The following PLXDC1 variants were observed in gnomAD, a reference collection of about 807,000 sequenced individuals.
PLXDC1 encodes the protein plexin domain-containing protein 1.
Under a neutral mutation model 61.3 loss-of-function variants are expected in PLXDC1, and 39 were observed. That is an observed-to-expected ratio of 0.64 (90% CI 0.49 to 0.83). The LOEUF (loss-of-function observed/expected upper bound fraction) is 0.83. Among genes scored for constraint, PLXDC1 ranks in the 40% least tolerant of loss-of-function variants. PLXDC1 has a pLI of 0.00. For missense variants in PLXDC1, 596 were observed against 666.5 expected, an observed-to-expected ratio of 0.89 and a Z score of 1.17; for synonymous variants, 212 against 254.5, an observed-to-expected ratio of 0.83 and a Z score of 1.59.
At chr17:39,095,361 C>A (rs1199270574) in intron 7 of PLXDC1, among the ~76,000 whole-genome samples, 1 of 7,354 alleles carries the variant, frequency 1.4e-4, no homozygotes, top group Non-Finnish European at 4.4e-4. Context: ...AGAATCCTTA[C>A]GCCCCGCCCC....
At chr17:39,079,940 C>A (rs976692441) in intron 9 of PLXDC1, 1 of 204,090 alleles carries the variant, frequency 4.9e-6, no homozygotes, top group Non-Finnish European at 1.0e-5. Context: ...GGCCAAGGGC[C>A]AAGGCTTGCC....
chr17:39,152,475 T>C (rs2045380606), upstream of PLXDC1: 2 of 1,125,598 alleles, frequency 1.8e-6, no homozygotes, highest in Non-Finnish European at 2.2e-6. Flanking sequence ...ATACCCGCAA[T>C]GTAGGATATT....
chr17:39,151,458 C>CCCGG lies in PLXDC1; in HGVS notation c.-25_-22dup. 1 of 1,250,220 alleles carries CCCGG rather than the reference C, an allele frequency of 8.0e-7. No individual in the cohort carries two copies. The highest frequency in any genetic ancestry group is 1.0e-6 in the Non-Finnish European group (1 of 996,804). The allele number at this position is 1,250,220 out of a possible 1,614,324, so 77.4% of individuals were successfully genotyped here. A position where few individuals can be genotyped will look rare whatever the true frequency, so the allele number is the denominator to read the frequency against. On this transcript the variant is annotated 5_prime_UTR_variant, in exon 1 of 14. Coordinates refer to ENST00000315392, the MANE Select transcript of PLXDC1 (RefSeq NM_020405.5). The surrounding 1 kb of genome is among the most constrained non-coding windows in gnomAD (Gnocchi z 5.2). ...CGCATGGTGGGTGCCCGGACCTGCCCCCGGCCTGCTTGCTGCCCCGGTCCT... is the reference window on the plus strand; with the variant it reads ...CGCATGGTGGGTGCCCGGACCTGCCCCCGGCCGGCCTGCTTGCTGCCCCGGTCCT...
intron 13 of PLXDC1, 99 bp downstream of exon 13, chr17:39,069,757 G>T: frequency 2.2e-6 from 2 of 911,872 alleles, no homozygotes; most frequent in South Asian, 1.5e-5. Context: ...TCAGGTATGT[G>T]GCAGGGGAGA....
At chr17:39,110,215 G>C (rs980251594) in intron 2 of PLXDC1, among the ~76,000 whole-genome samples, 1 of 152,060 alleles carries the variant, frequency 6.6e-6, no homozygotes, top group Non-Finnish European at 1.5e-5. Context: ...GTCTGGAATG[G>C]GACTTATATA....
At chr17:39,071,675 G>A (rs1372001732) in intron 12 of PLXDC1, among the ~76,000 whole-genome samples, 2 of 152,106 alleles carry the variant, frequency 1.3e-5, no homozygotes, top group Non-Finnish European at 1.5e-5. Context: ...ATGGTGCACA[G>A]CGAGGGGATT....
At chr17:39,092,533 C>T (rs1007474172) in intron 7 of PLXDC1, among the ~76,000 whole-genome samples, 1 of 152,254 alleles carries the variant, frequency 6.6e-6, no homozygotes. Flanking sequence ...GTGCTGAGTG[C>T]AGAGCACTCT....
chr17:39,110,015 C>G (rs1177324310), intron 2 of PLXDC1, among the ~76,000 whole-genome samples: 1 of 152,168 alleles, frequency 6.6e-6, no homozygotes, highest in Non-Finnish European at 1.5e-5. Context: ...TGGTGGCACA[C>G]GCCTGTAATC....
In PLXDC1 at chr17:39,135,676, T is replaced by TAAAAA. The variant is rs35762241; in HGVS notation, c.255+3973_255+3977dup. Among the ~76,000 whole-genome samples, 7 of 104,394 alleles carry TAAAAA rather than the reference T, an allele frequency of 6.7e-5. No homozygotes were observed. The East Asian group carries it at 1.8e-3, about 26-fold the overall frequency. 68.5% of individuals were successfully genotyped at this position (104,394 alleles called of 152,430 possible). ...CTGGGCAACTGAGCAACACTCCGTC[T>TAAAAA]AAAAAAAAAAAAAAAAAAAAGTTCC... On this transcript the variant is annotated intron_variant, in intron 2 of 13. Transcript: ENST00000315392.
chr17:39,074,243 G>C (rs929649920), intron 11 of PLXDC1, among the ~76,000 whole-genome samples: 2 of 152,120 alleles, frequency 1.3e-5, no homozygotes, highest in Non-Finnish European at 2.9e-5. Context: ...CAGGCACAAT[G>C]GCATGTACCT....
chr17:39,147,314 A>G (rs1040279653), intron 1 of PLXDC1, among the ~76,000 whole-genome samples: 1 of 152,164 alleles, frequency 6.6e-6, no homozygotes, highest in African/African-American at 2.4e-5. Flanking sequence ...CTCTTCAACC[A>G]ATTAACAATT....
At chr17:39,095,722 T>G (rs1157355674) in intron 7 of PLXDC1, among the ~76,000 whole-genome samples, 1 of 152,046 alleles carries the variant, frequency 6.6e-6, no homozygotes, top group African/African-American at 2.4e-5. Flanking sequence ...TGGAGTGCAG[T>G]GGCACAATCT....
Position 39,083,559 on chromosome 17 carries a change from T to C in PLXDC1, c.908-19A>G, listed in dbSNP as rs1400748080. 1.3e-6 allele frequency: 2 copies of C among 1,592,878 alleles called. No homozygotes were observed. The highest frequency in any genetic ancestry group is 1.7e-6 in the Non-Finnish European group (2 of 1,167,238). On this transcript the variant is annotated intron_variant, in intron 8 of 13. Coordinates refer to ENST00000315392, the MANE Select transcript of PLXDC1 (RefSeq NM_020405.5). ...AGGCAGGCTGCAAGAGAGAAGGCAG[T>C]GGCCGCTCAGCACCGAGCCTCTCCT...
At chr17:39,093,546 A>T (rs567548024) in intron 7 of PLXDC1, among the ~76,000 whole-genome samples, 1 of 152,076 alleles carries the variant, frequency 6.6e-6, no homozygotes, top group African/African-American at 2.4e-5. Context: ...GTGAAACCTC[A>T]TCTCTATAAA....
intron 7 of PLXDC1, among the ~76,000 whole-genome samples, chr17:39,101,472 C>T (rs1463517541): frequency 1.3e-5 from 2 of 152,078 alleles, no homozygotes; most frequent in Non-Finnish European, 2.9e-5. Context: ...GCACGGGGCC[C>T]TAAAAAGGGA....
At chr17:39,076,345 C>A (rs537508200) in intron 11 of PLXDC1, among the ~76,000 whole-genome samples, 2 of 150,726 alleles carry the variant, frequency 1.3e-5, no homozygotes, top group East Asian at 2.0e-4. Context: ...CTCATCTCTA[C>A]AAAAAATTTT....
chr17:39,085,320 G>A (rs968874277), intron 8 of PLXDC1, among the ~76,000 whole-genome samples: 5 of 152,232 alleles, frequency 3.3e-5, no homozygotes, highest in Non-Finnish European at 7.3e-5. Context: ...TGGATGGAAA[G>A]AGCCATGGGC....
At chr17:39,149,910 T>G (rs1407887478) in intron 1 of PLXDC1, among the ~76,000 whole-genome samples, 1 of 152,070 alleles carries the variant, frequency 6.6e-6, no homozygotes, top group African/African-American at 2.4e-5. Context: ...TATCCAACTC[T>G]CTCCTGTTTA....
rs1909072358 is a variant in PLXDC1, at chr17:39,070,453, T to G, written c.1223-437A>C. 3 of 156,804 alleles carry G rather than the reference T, an allele frequency of 1.9e-5. No homozygotes were observed. The South Asian group carries it at 5.9e-4, about 31-fold the overall frequency. The allele number at this position is 156,804 out of a possible 1,614,324, so 9.7% of individuals were successfully genotyped here. A position where few individuals can be genotyped will look rare whatever the true frequency, so the allele number is the denominator to read the frequency against. ...TCTCTGTGTCTTCATTATCATTTCTTTTGAACAAGGATAATAACACCCACC... is the reference window on the plus strand; with the variant it reads ...TCTCTGTGTCTTCATTATCATTTCTGTTGAACAAGGATAATAACACCCACC... On this transcript the variant is annotated intron_variant, in intron 12 of 13. Coordinates refer to ENST00000315392, the MANE Select transcript of PLXDC1 (RefSeq NM_020405.5).
Sources: gnomAD v4.1 joint callset for allele counts (sites outside exome capture counted in the v4.1 genomes callset) on GRCh38, gnomAD v4.1.1 for gene constraint, Gnocchi (gnomAD v3.1) non-coding constraint, MANE v1.5 for transcripts, NCBI Gene and HGNC (gene_info 2026-07-23, HGNC 2026-07-21) for gene names.